STK32A: variants seen among roughly 807,000 people sequenced by gnomAD.
The protein encoded by STK32A is serine/threonine kinase 32A, also known as serine/threonine-protein kinase 32A.
In STK32A, 41 loss-of-function variants were observed where a neutral mutation model predicts 53.2. The observed-to-expected ratio is 0.77, with a 90% CI of 0.60 to 1.00. The LOEUF is 1.00. STK32A is among the 50% of genes least tolerant of loss of function. STK32A has a pLI of 0.00. For missense variants in STK32A, 458 were observed against 485.8 expected, an observed-to-expected ratio of 0.94 and a Z score of 0.54; for synonymous variants, 166 against 162.8, an observed-to-expected ratio of 1.02 and a Z score of -0.15.
chr5:147,317,414 G>A (rs746703219), intron 4 of STK32A, among the ~76,000 whole-genome samples: 11 of 116,240 alleles, frequency 9.5e-5, no homozygotes, highest in African/African-American at 2.0e-4. Context: ...TGCAACCTCC[G>A]CCGCCCAGGT....
chr5:147,322,232 A>C (rs748186494), intron 4 of STK32A, among the ~76,000 whole-genome samples: 1 of 152,222 alleles, frequency 6.6e-6, no homozygotes, highest in East Asian at 1.9e-4. Context: ...AATACCAAGC[A>C]TATGTTTCTC....
chr5:147,377,490 T>C (rs1757279236), intron 11 of STK32A, among the ~76,000 whole-genome samples: 1 of 152,178 alleles, frequency 6.6e-6, no homozygotes, highest in South Asian at 2.1e-4. Flanking sequence ...CTTGTGATTT[T>C]TTTTCTGTTG....
In STK32A at chr5:147,387,142, C is replaced by G. The variant is rs1267036670; in HGVS notation, c.*3159C>G. 6.6e-6 allele frequency: 1 copy of G among 152,240 alleles called. No individual in the cohort carries two copies. The highest frequency in any genetic ancestry group is 1.5e-5 in the Non-Finnish European group (1 of 68,058). The allele number at this position is 152,240 out of a possible 1,614,324, so 9.4% of individuals were successfully genotyped here. On this transcript the variant is annotated 3_prime_UTR_variant, in exon 13 of 13. Coordinates refer to ENST00000397936, the MANE Select transcript of STK32A (RefSeq NM_001112724.2). ...CCAAGAGCATCCCAGCTATAAGGCT[C>G]TTGCACTGTGACAGAGCTGCCCACC...
intron 7 of STK32A, among the ~76,000 whole-genome samples, chr5:147,353,419 A>C (rs967082848): frequency 1.3e-5 from 2 of 152,186 alleles, no homozygotes; most frequent in Non-Finnish European, 2.9e-5. Context: ...CAGCAAAAAC[A>C]GGAAGTTAGA....
At chr5:147,261,079 G>C (rs964339828) in intron 2 of STK32A, among the ~76,000 whole-genome samples, 1 of 152,128 alleles carries the variant, frequency 6.6e-6, no homozygotes, top group African/African-American at 2.4e-5. Flanking sequence ...CCTCGCACTG[G>C]GTGGGTCTTG....
the STK32A span, among the ~76,000 whole-genome samples, chr5:147,396,787 C>T: frequency 6.6e-6 from 1 of 151,536 alleles, no homozygotes; most frequent in Non-Finnish European, 1.5e-5. Flanking sequence ...GTGTGGAGCT[C>T]AAATTCCACA....
intron 11 of STK32A, among the ~76,000 whole-genome samples, chr5:147,379,277 C>A (rs1173019434): frequency 3.3e-5 from 5 of 151,574 alleles, no homozygotes; most frequent in Non-Finnish European, 4.4e-5. Context: ...CATTTTATAT[C>A]CTGGGTTTCA....
intron 6 of STK32A, among the ~76,000 whole-genome samples, chr5:147,344,000 A>C: frequency 6.6e-6 from 1 of 152,262 alleles, no homozygotes; most frequent in East Asian, 1.9e-4. Flanking sequence ...CCTAATATTT[A>C]TTTTTGTGTA....
At chr5:147,239,842 T>A (rs1251804155) in intron 2 of STK32A, 156 bp downstream of exon 2, 2 of 606,800 alleles carry the variant, frequency 3.3e-6, no homozygotes, top group East Asian at 2.9e-5. Flanking sequence ...TGTAGGCTCA[T>A]AGCTAGGTTT....
intron 2 of STK32A, among the ~76,000 whole-genome samples, chr5:147,264,806 GT>G (rs1466841207): frequency 6.6e-6 from 1 of 152,066 alleles, no homozygotes; most frequent in African/African-American, 2.4e-5. Context: ...CTAAAGAGAG[GT>G]AAAAGTGGTT....
intron 2 of STK32A, among the ~76,000 whole-genome samples, chr5:147,244,449 T>C (rs1043450294): frequency 6.6e-6 from 1 of 152,210 alleles, no homozygotes; most frequent in African/African-American, 2.4e-5. Flanking sequence ...TGAGGAACCA[T>C]CATACTGTCT....
chr5:147,394,227 G>T, the STK32A span: 1 of 1,165,600 alleles, frequency 8.6e-7, no homozygotes, highest in Non-Finnish European at 1.2e-6. Flanking sequence ...TGCAAGATAT[G>T]AAGTGCCTTG....
intron 6 of STK32A, among the ~76,000 whole-genome samples, chr5:147,350,383 A>G (rs1460100961): frequency 6.7e-6 from 1 of 149,182 alleles, no homozygotes; most frequent in Non-Finnish European, 1.5e-5. Context: ...TTTTTTTTTG[A>G]GATAGTCTCA....
At chr5:147,342,983 C>CT in intron 5 of STK32A, 23 bp from the exon 6 acceptor site, 3 of 1,612,556 alleles carry the variant, frequency 1.9e-6, no homozygotes, top group Non-Finnish European at 2.5e-6. Context: ...GAGCAACTTT[C>CT]TTTTTTCTTT....
intron 11 of STK32A, among the ~76,000 whole-genome samples, chr5:147,378,102 T>C (rs903523174): frequency 2.6e-5 from 4 of 152,158 alleles, no homozygotes; most frequent in African/African-American, 7.2e-5. Context: ...GCTCGTTCAT[T>C]CATTCATTCA....
At chr5:147,277,767 G>T (rs1191131141) in intron 2 of STK32A, among the ~76,000 whole-genome samples, 1 of 152,128 alleles carries the variant, frequency 6.6e-6, no homozygotes, top group Non-Finnish European at 1.5e-5. Context: ...TATGTTCTTA[G>T]AGCCCCATGA....
chr5:147,349,578 T>G (rs1473162813), intron 6 of STK32A, among the ~76,000 whole-genome samples: 2 of 152,154 alleles, frequency 1.3e-5, no homozygotes, highest in Non-Finnish European at 2.9e-5. Context: ...CTAGAGCACC[T>G]CATAGAGTGT....
intron 8 of STK32A, among the ~76,000 whole-genome samples, chr5:147,368,267 C>A (rs1756855184): frequency 6.6e-6 from 1 of 152,188 alleles, no homozygotes; most frequent in Non-Finnish European, 1.5e-5. Context: ...TTTGCCTTTG[C>A]ACTTCTGAAA....
intron 4 of STK32A, among the ~76,000 whole-genome samples, chr5:147,313,551 T>C (rs35267617): frequency 0.5 from 75,567 of 152,128 alleles, 19,222 homozygotes; most frequent in Middle Eastern, 0.57. Context: ...TTGCAGAAAT[T>C]CACAAGCTGA....
Sources: allele counts gnomAD v4.1 joint callset (sites outside exome capture counted in the v4.1 genomes callset), GRCh38; gene constraint gnomAD v4.1.1; transcripts MANE v1.5; gene names NCBI Gene and HGNC (gene_info 2026-07-23, HGNC 2026-07-21).